The following KCNU1 variants were observed in gnomAD, a reference collection of about 807,000 sequenced individuals.
KCNU1 encodes potassium calcium-activated channel subfamily U member 1.
Under a neutral mutation model 126.8 loss-of-function variants are expected in KCNU1, and 93 were observed. The observed-to-expected ratio is 0.73, with a 90% confidence interval of 0.62 to 0.87. The LOEUF is 0.87. Ranked by LOEUF, KCNU1 falls within the 40% of genes least tolerant of loss-of-function variation. The probability of loss-of-function intolerance (pLI) is 0.00; values close to 1 mark genes in which losing one functional copy is unlikely to be tolerated. For synonymous variants in KCNU1, 523 were observed against 494.2 expected (o/e 1.06, Z -0.77); for missense variants, 1,330 against 1,367.1 (o/e 0.97, Z 0.43).
chr8:36,925,549 T>C (rs1469088605), intron 24 of KCNU1, among the ~76,000 whole-genome samples: 3 of 152,178 alleles, frequency 2.0e-5, no homozygotes, highest in South Asian at 4.1e-4. Context: ...CCTTCTCGTT[T>C]CCCTTCTCCC....
chr8:36,922,709 T>C (rs2117588577), intron 24 of KCNU1, 80 bp downstream of exon 24: 2 of 1,360,544 alleles, frequency 1.5e-6, no homozygotes, highest in Non-Finnish European at 2.0e-6. Context: ...GCTGAGTAGA[T>C]GATAACACCT....
chr8:36,873,390 GTCC>G (rs1229057281), intron 19 of KCNU1, among the ~76,000 whole-genome samples: 4 of 151,726 alleles, frequency 2.6e-5, no homozygotes, highest in African/African-American at 9.7e-5. Context: ...AACCATAATT[GTCC>G]TCCTCAACTT....
At chr8:36,849,660 TA>T (rs1257119935) in intron 18 of KCNU1, among the ~76,000 whole-genome samples, 3 of 152,222 alleles carry the variant, frequency 2.0e-5, no homozygotes, top group Admixed American at 2.0e-4. Flanking sequence ...TATTCTGTTG[TA>T]TTTTTCTTGC....
At chr8:36,821,220 G>T (rs2130491673) in intron 10 of KCNU1, among the ~76,000 whole-genome samples, 1 of 152,276 alleles carries the variant, frequency 6.6e-6, no homozygotes, top group South Asian at 2.1e-4. Flanking sequence ...ACAGAGAAAA[G>T]AATTACGGAC....
intron 22 of KCNU1, among the ~76,000 whole-genome samples, chr8:36,917,003 T>C (rs906996873): frequency 2.0e-4 from 31 of 152,176 alleles, no homozygotes; most frequent in Non-Finnish European, 1.5e-4. Context: ...GGATTTCCCC[T>C]TTTCCTTCCT....
intron 13 of KCNU1, 59 bp downstream of exon 13, chr8:36,836,424 T>C: frequency 8.3e-7 from 1 of 1,206,806 alleles, no homozygotes; most frequent in Non-Finnish European, 1.2e-6. Context: ...CTAGACGAAC[T>C]TTTTAATTTT....
intron 18 of KCNU1, among the ~76,000 whole-genome samples, chr8:36,854,731 A>C (rs1304852805): frequency 6.6e-6 from 1 of 152,142 alleles, no homozygotes; most frequent in Admixed American, 6.5e-5. Context: ...AGCTTCTCTC[A>C]AGGATGGTGT....
In KCNU1 at chr8:36,841,236, C is replaced by T. The variant is rs74682523; in HGVS notation, c.1703+233C>T. On this transcript the variant is annotated intron_variant, in intron 16 of 26. Coordinates refer to ENST00000399881, the MANE Select transcript of KCNU1 (RefSeq NM_001031836.3). ...GGGCAAACACTTCTCTTTTGTTCCT[C>T]GGACCCTGCCCCACCTCTCTCTCAG... Among the ~76,000 whole-genome samples the T allele has an allele frequency of 0.014, 2,188 of 151,948 alleles. 223 individuals carry two copies. In the East Asian group the frequency reaches 0.26, roughly 18 times the overall value.
In KCNU1 at chr8:36,866,244, C is replaced by G. The variant is rs927434482; in HGVS notation, c.2009+1723C>G. Reference sequence around the variant, plus strand: ...CTTTTACTTGTACTTGGTTTTGATACAATTTACCTATTTCTTTTAACACAC... The same window carrying G: ...CTTTTACTTGTACTTGGTTTTGATAGAATTTACCTATTTCTTTTAACACAC... On this transcript the variant is annotated intron_variant, in intron 19 of 26. Coordinates refer to ENST00000399881, the MANE Select transcript of KCNU1 (RefSeq NM_001031836.3). Among the ~76,000 whole-genome samples, 31 of 152,192 alleles carry G rather than the reference C, an allele frequency of 2.0e-4. 1 individual carries two copies. The highest frequency in any genetic ancestry group is 7.5e-4 in the African/African-American group (31 of 41,526).
chr8:36,935,424 C>T, intron 26 of KCNU1, 91 bp from the exon 27 acceptor site: 1 of 998,138 alleles, frequency 1.0e-6, no homozygotes, highest in Non-Finnish European at 1.5e-6. Flanking sequence ...CTCTTTGGGC[C>T]CAGCAAAATG....
intron 19 of KCNU1, among the ~76,000 whole-genome samples, chr8:36,872,237 T>A (rs1213461165): frequency 6.6e-6 from 1 of 152,158 alleles, no homozygotes; most frequent in Non-Finnish European, 1.5e-5. Flanking sequence ...TCATCATGGA[T>A]CAGGGACTTC....
At chr8:36,841,031 GTTGT>G (rs1489157305) in intron 16 of KCNU1, 28 bp downstream of exon 16, 2 of 618,900 alleles carry the variant, frequency 3.2e-6, no homozygotes, top group Non-Finnish European at 5.2e-6. Flanking sequence ...CATCTCTTCA[GTTGT>G]TTTTTTTTTT....
chr8:36,871,406 T>TATATAC (rs548503392), intron 19 of KCNU1, among the ~76,000 whole-genome samples: 4 of 144,312 alleles, frequency 2.8e-5, no homozygotes, highest in Admixed American at 7.5e-5. Context: ...TATATATATA[T>TATATAC]ACATAGAGAG....
rs755656466 is a variant in KCNU1 at position 36,932,943 on chromosome 8, G to C, written c.2955G>C (p.Leu985=). 1 of 1,573,184 alleles carries C rather than the reference G, an allele frequency of 6.4e-7. No individual in the cohort carries two copies. The part of the protein sequence containing the change: ...DVNPRNTFGQ[L]FCGSLDLFGI... ...AGCCAAGAAACACCTTTGGACAACTGTTCTGTGGCTCATTAGATCTTTTTG... is the reference window on the plus strand; with the variant it reads ...AGCCAAGAAACACCTTTGGACAACTCTTCTGTGGCTCATTAGATCTTTTTG... Residue 985 remains leucine, a synonymous_variant, in exon 26 of 27, where the codon CTG becomes CTC. Coordinates refer to ENST00000399881, the MANE Select transcript of KCNU1 (RefSeq NM_001031836.3).
intron 7 of KCNU1, among the ~76,000 whole-genome samples, chr8:36,811,200 G>A (rs1278318781): frequency 6.6e-6 from 1 of 152,072 alleles, no homozygotes; most frequent in African/African-American, 2.4e-5. Flanking sequence ...TATCATTAGG[G>A]TATTACAGAA....
At chr8:36,810,442 C>A in intron 7 of KCNU1, among the ~76,000 whole-genome samples, 1 of 151,994 alleles carries the variant, frequency 6.6e-6, no homozygotes. Context: ...AGGAAGTAAG[C>A]ACAGAAAAAA....
intron 19 of KCNU1, among the ~76,000 whole-genome samples, chr8:36,896,825 A>C (rs1807210618): frequency 6.6e-6 from 1 of 152,118 alleles, no homozygotes. Flanking sequence ...TTCTTCTTGC[A>C]AAATAATCAA....
chr8:36,929,037 C>G (rs766976732), intron 24 of KCNU1: 1 of 698,688 alleles, frequency 1.4e-6, no homozygotes, highest in South Asian at 1.5e-5. Flanking sequence ...GCAAGCAATG[C>G]TAAAAGGTAA....
intron 19 of KCNU1, among the ~76,000 whole-genome samples, chr8:36,886,170 T>C (rs1284261043): frequency 5.3e-5 from 8 of 152,072 alleles, no homozygotes; most frequent in Admixed American, 5.2e-4. Context: ...GACAACAAAG[T>C]AGACAAAAGC....
Sources: allele counts gnomAD v4.1 joint callset (sites outside exome capture counted in the v4.1 genomes callset), GRCh38; gene constraint gnomAD v4.1.1; transcripts MANE v1.5; gene names NCBI Gene and HGNC (gene_info 2026-07-23, HGNC 2026-07-21).